NTM: variants seen among roughly 807,000 people sequenced by gnomAD.
NTM encodes IgLON family member 2.
In NTM, 13 loss-of-function variants were observed where a neutral mutation model predicts 42.1. The observed-to-expected ratio is 0.31, with a 90% CI of 0.20 to 0.49. The LOEUF is 0.49. NTM is among the 20% of genes least tolerant of loss of function. NTM has a pLI of 0.99. For missense variants in NTM, 373 were observed against 452.8 expected, an observed-to-expected ratio of 0.82 and a Z score of 1.60; for synonymous variants, 187 against 179.2, an observed-to-expected ratio of 1.04 and a Z score of -0.35.
intron 1 of NTM, among the ~76,000 whole-genome samples, chr11:131,548,206 C>A (rs1387033827): frequency 6.6e-6 from 1 of 152,082 alleles, no homozygotes; most frequent in Non-Finnish European, 1.5e-5. Flanking sequence ...ATCTTAGTTT[C>A]TTTTCCTTCT....
chr11:131,604,702 CT>C (rs1182025334), intron 1 of NTM, among the ~76,000 whole-genome samples: 2 of 36,528 alleles, frequency 5.5e-5, no homozygotes, highest in African/African-American at 2.7e-4. Context: ...AATTTAAGGT[CT>C]TTTTTTCTTT....
At position 131,559,978 on chromosome 11, in the gene NTM, C is replaced by A. The variant is rs141139913; in HGVS notation, c.82+189090C>A. On this transcript the variant is annotated intron_variant, in intron 1 of 8. Transcript: ENST00000683400. ...GAAAGCTAGAACTGTCTGCCTCAAC[C>A]AGCTAGTGACACATCAGGACTCAAA... Among the ~76,000 whole-genome samples, 715 of 152,314 alleles carry A rather than the reference C, an allele frequency of 4.7e-3. 2 individuals carry two copies. Among genetic ancestry groups the A allele is most frequent in the Admixed American group, 8.0e-3 (123 of 15,296 alleles).
chr11:131,389,705 T>C (rs1943769222), intron 1 of NTM, among the ~76,000 whole-genome samples: 1 of 152,160 alleles, frequency 6.6e-6, no homozygotes, highest in Non-Finnish European at 1.5e-5. Context: ...TCTTAGACAA[T>C]GAAATAGCAA....
chr11:132,215,208 G>A (rs1324329725), intron 4 of NTM, among the ~76,000 whole-genome samples: 1 of 152,008 alleles, frequency 6.6e-6, no homozygotes, highest in Non-Finnish European at 1.5e-5. Context: ...TTCGAGGGTA[G>A]ATCACAGTTC....
intron 2 of NTM, among the ~76,000 whole-genome samples, chr11:132,012,831 G>T (rs1429480652): frequency 6.6e-6 from 1 of 152,192 alleles, no homozygotes; most frequent in Non-Finnish European, 1.5e-5. Flanking sequence ...TGGTAGGAGA[G>T]GATGCAGGAG....
At chr11:131,507,686 T>C (rs1480626904) in intron 1 of NTM, among the ~76,000 whole-genome samples, 3 of 148,372 alleles carry the variant, frequency 2.0e-5, no homozygotes, top group Non-Finnish European at 3.0e-5. Context: ...TTCCTACCCA[T>C]GAGCATGGAA....
chr11:132,219,909 A>C (rs987827658), intron 4 of NTM, among the ~76,000 whole-genome samples: 10 of 152,212 alleles, frequency 6.6e-5, no homozygotes, highest in Non-Finnish European at 1.5e-4. Context: ...ATAAAAGCTC[A>C]ACTCAGTCCA....
At chr11:131,671,041 C>G (rs553376983) in intron 1 of NTM, among the ~76,000 whole-genome samples, 61 of 152,306 alleles carry the variant, frequency 4.0e-4, no homozygotes, top group Middle Eastern at 3.4e-3. Context: ...TCACTCCATC[C>G]TCCCTTCTCT....
chr11:131,560,253 A>C (rs2056053659), intron 1 of NTM, among the ~76,000 whole-genome samples: 1 of 152,188 alleles, frequency 6.6e-6, no homozygotes, highest in South Asian at 2.1e-4. Flanking sequence ...GAGGTTTTCC[A>C]GCTTTCTACA....
At chr11:131,528,750 A>G (rs1381738832) in intron 1 of NTM, among the ~76,000 whole-genome samples, 1 of 152,180 alleles carries the variant, frequency 6.6e-6, no homozygotes, top group Non-Finnish European at 1.5e-5. Context: ...TGCTAAATAA[A>G]TGGGTGAATG....
chr11:132,189,125 T>C (rs1566423339), intron 3 of NTM, among the ~76,000 whole-genome samples: 1 of 152,116 alleles, frequency 6.6e-6, no homozygotes, highest in African/African-American at 2.4e-5. Flanking sequence ...TGGTGGATGA[T>C]AGAAAGGAAG....
intron 1 of NTM, among the ~76,000 whole-genome samples, chr11:131,557,651 G>T (rs761577003): frequency 1.3e-5 from 2 of 151,938 alleles, no homozygotes; most frequent in Non-Finnish European, 2.9e-5. Context: ...GGGATGTGTG[G>T]GTCTTTGTGT....
intron 7 of NTM, among the ~76,000 whole-genome samples, chr11:132,325,587 A>G (rs1592052865): frequency 6.6e-6 from 1 of 152,036 alleles, no homozygotes; most frequent in Non-Finnish European, 1.5e-5. Context: ...AACTAGTTCA[A>G]CCATTGTGGA....
At chr11:131,830,993 G>C (rs576150492) in intron 1 of NTM, among the ~76,000 whole-genome samples, 2 of 152,132 alleles carry the variant, frequency 1.3e-5, no homozygotes, top group African/African-American at 4.8e-5. Flanking sequence ...TTGGTGTATA[G>C]AAATGCTACT....
At chr11:131,464,302 G>A (rs1034462534) in intron 1 of NTM, among the ~76,000 whole-genome samples, 1 of 151,990 alleles carries the variant, frequency 6.6e-6, no homozygotes, top group African/African-American at 2.4e-5. Context: ...ACCGGAGAAT[G>A]ATCTGTCAGG....
chr11:132,141,354 A>C (rs1228219597), intron 2 of NTM, among the ~76,000 whole-genome samples: 1 of 151,270 alleles, frequency 6.6e-6, no homozygotes, highest in Non-Finnish European at 1.5e-5. Flanking sequence ...TCATGGTTCT[A>C]TTTCTGCGGT....
At chr11:132,245,020 T>C (rs542758809) in intron 4 of NTM, among the ~76,000 whole-genome samples, 2 of 152,248 alleles carry the variant, frequency 1.3e-5, no homozygotes, top group Non-Finnish European at 2.9e-5. Flanking sequence ...CATAAAATTT[T>C]CATTTCCAGT....
intron 2 of NTM, among the ~76,000 whole-genome samples, chr11:132,070,252 G>T (rs71485735): frequency 7.7e-6 from 1 of 129,438 alleles, no homozygotes; most frequent in Non-Finnish European, 1.7e-5. Context: ...GCCAAAACAC[G>T]TCAAACTGAC....
intron 4 of NTM, among the ~76,000 whole-genome samples, chr11:132,240,122 T>A (rs553089113): frequency 6.6e-6 from 1 of 152,292 alleles, no homozygotes; most frequent in South Asian, 2.1e-4. Context: ...ATCTGCTAGG[T>A]TCTGGTAAAG....
Sources: allele counts gnomAD v4.1 joint callset (sites outside exome capture counted in the v4.1 genomes callset), GRCh38; gene constraint gnomAD v4.1.1; transcripts MANE v1.5; gene names NCBI Gene and HGNC (gene_info 2026-07-23, HGNC 2026-07-21).